The following NUP107 variants were observed in gnomAD, a reference collection of about 807,000 sequenced individuals.
The protein encoded by NUP107 is nuclear pore complex protein Nup107.
In NUP107, 101 loss-of-function variants were observed where a neutral mutation model predicts 141.0. That is an observed-to-expected ratio of 0.72 (90% CI 0.61 to 0.84). NUP107 has a LOEUF of 0.84. Among genes scored for constraint, NUP107 ranks in the 40% least tolerant of loss-of-function variants. The probability of loss-of-function intolerance (pLI) is 0.00; values close to 1 mark genes in which losing one functional copy is unlikely to be tolerated. For missense variants in NUP107, 941 were observed against 1,102.7 expected (o/e 0.85, Z 2.08); for synonymous variants, 319 against 363.9 (o/e 0.88, Z 1.41).
chr12:68,713,618 G>T, intron 10 of NUP107, 112 bp from the exon 11 acceptor site: 2 of 768,700 alleles, frequency 2.6e-6, no homozygotes, highest in African/African-American at 1.8e-5. Flanking sequence ...ATTTTTGCAT[G>T]TTTTTACTGG....
rs1368942217 is a variant in NUP107 at position 68,689,598 on chromosome 12, C to T, written c.166C>T (p.Pro56Ser). ...AAGAAACCAGGTTATCCCTCGAACTCCTAGCTCATTTCGACAGCCTTGTAA... is the reference window on the plus strand; with the variant it reads ...AAGAAACCAGGTTATCCCTCGAACTTCTAGCTCATTTCGACAGCCTTGTAA... ...TPRNQVIPRT[P>S]SSFRQPFTPT... is the part of the protein sequence containing the mutation. Residue 56 changes from proline (P) to serine (S), a missense_variant, in exon 3 of 28, where the codon CCT becomes TCT. By Grantham distance (74) the Pro-to-Ser change is moderately conservative. Transcript: ENST00000229179. 3.1e-6 allele frequency: 5 copies of T among 1,610,594 alleles called. No homozygotes were observed. Among genetic ancestry groups the T allele is most frequent in the Non-Finnish European group, 4.2e-6 (5 of 1,178,748 alleles).
chr12:68,721,624 ATGT>A (rs1168365863), intron 15 of NUP107, among the ~76,000 whole-genome samples: 1 of 152,204 alleles, frequency 6.6e-6, no homozygotes, highest in African/African-American at 2.4e-5. Flanking sequence ...TGGAAAACTG[ATGT>A]TGTTGTTAAC....
chr12:68,735,305 G>C lies in NUP107; in HGVS notation c.2463G>C (p.Leu821Phe). 6.2e-7 allele frequency: 1 copy of C among 1,614,032 alleles called. No homozygotes were observed. The change falls in exon 26 of 28, where the codon TTG (leucine) becomes TTC (phenylalanine). Residue 821 changes from leucine to phenylalanine, a missense_variant. Transcript: ENST00000229179. ...ADVKEKMYNV[L>F]LFVDGGWMVD... ...TGAAGGAGAAAATGTATAACGTCTT[G>C]TTGTTTGTTGATGGAGGGTGGATGG... is the stretch of plus-strand genomic sequence containing the variant.
At position 68,728,433 on chromosome 12, in the gene NUP107, T is replaced by C. The variant is rs186976571; in HGVS notation, c.1734+1044T>C. ...AGCGAAAACCTGTCTTTTTTTTTTT[T>C]TTTTTTTTGAGACGGAGTCTTGCGC... On this transcript the variant is annotated intron_variant, in intron 20 of 27. Coordinates refer to ENST00000229179, the MANE Select transcript of NUP107 (RefSeq NM_020401.4). 8.1e-3 allele frequency among the ~76,000 whole-genome samples: 1,195 copies of C among 148,120 alleles called. 15 individuals are homozygous for C. Among genetic ancestry groups the C allele is most frequent in the African/African-American group, 0.027 (1,112 of 40,514 alleles).
chr12:68,721,861 C>T lies in NUP107; in HGVS notation c.1332C>T (p.Thr444=). ...AAAAGCTGCTTCCTGTCTGTGACAC[C>T]TGGGAAGACACAGTTTGGGCCTACT... ...NLKQLLPVCD[T]WEDTVWAYFR... The change falls in exon 16 of 28, where the codon ACC becomes ACT. Residue 444 remains threonine, a synonymous_variant. Transcript: ENST00000229179. 6.2e-7 allele frequency: 1 copy of T among 1,613,442 alleles called. No homozygotes were observed. The highest frequency in any genetic ancestry group is 8.5e-7 in the Non-Finnish European group (1 of 1,179,794).
Position 68,721,958 on chromosome 12 carries a change from G to T in NUP107, c.1429G>T (p.Glu477Ter). 6.2e-6 allele frequency: 10 copies of T among 1,613,930 alleles called. No individual in the cohort carries two copies. The highest frequency in any genetic ancestry group is 8.5e-6 in the Non-Finnish European group (10 of 1,179,918). Residue 477 changes from glutamate (E) to a stop codon, truncating the protein, a stop_gained, in exon 16 of 28, where the codon GAA becomes TAA. Coordinates refer to ENST00000229179, the MANE Select transcript of NUP107 (RefSeq NM_020401.4). LOFTEE classifies it high-confidence loss of function. ...AGTAGCAACTCTGGATGAAACTGAA[G>T]AACTCCCTAGAGAATATCTGGGAGC... ...TSVATLDETEELPREYLGANW... is the reference protein window; with the variant it reads ...TSVATLDETE
In NUP107 at chr12:68,731,712, C is replaced by G. The variant is rs1040548313; in HGVS notation, c.1991C>G (p.Thr664Ser). The G allele has an allele frequency of 3.9e-6, 6 of 1,532,736 alleles. No homozygotes were observed. In the Admixed American group the frequency reaches 9.1e-5, roughly 23 times the overall value. The allele number at this position is 1,532,736 out of a possible 1,614,324, so 94.9% of individuals were successfully genotyped here. ...HDLAPALDTG[T>S]TEEDRLKIDV... The stretch of plus-strand genomic sequence containing the variant: ...CTGGCCCCAGCCCTAGATACTGGCA[C>G]TACTGAGGTAATTTGGGATGGGGGG... Residue 664 changes from threonine to serine, a missense_variant, in exon 22 of 28, where the codon ACT (threonine) becomes AGT (serine). Thr to Ser is a moderately conservative substitution (Grantham distance 58). Coordinates refer to ENST00000229179, the MANE Select transcript of NUP107 (RefSeq NM_020401.4).
chr12:68,732,590 A>C (rs763559933), intron 22 of NUP107, 47 bp from the exon 23 acceptor site: 1 of 1,224,468 alleles, frequency 8.2e-7, no homozygotes, highest in Admixed American at 2.2e-5. Context: ...ATCTTTAAAA[A>C]AAAAACTCTG....
At chr12:68,732,838 C>A in intron 23 of NUP107, 99 bp downstream of exon 23, 1 of 710,732 alleles carries the variant, frequency 1.4e-6, no homozygotes, top group Non-Finnish European at 2.2e-6. Context: ...CACCACCACA[C>A]CCACCTAATT....
At chr12:68,716,808 C>G (rs1409356281) in intron 12 of NUP107, among the ~76,000 whole-genome samples, 1 of 152,228 alleles carries the variant, frequency 6.6e-6, no homozygotes, top group East Asian at 1.9e-4. Flanking sequence ...GTACTTTTTG[C>G]AATGGTCTTT....
At chr12:68,687,749 C>T in intron 1 of NUP107, 1 of 619,602 alleles carries the variant, frequency 1.6e-6, no homozygotes, top group South Asian at 7.1e-5. Flanking sequence ...GTTCTAAAGG[C>T]GTTGAATATA....
At chr12:68,688,568 T>C (rs1361774094) in intron 1 of NUP107, among the ~76,000 whole-genome samples, 1 of 152,212 alleles carries the variant, frequency 6.6e-6, no homozygotes, top group Non-Finnish European at 1.5e-5. Context: ...TAAAGCATTT[T>C]GGAGACTGCA....
chr12:68,726,279 A>G (rs1877560795), intron 18 of NUP107, among the ~76,000 whole-genome samples: 1 of 152,174 alleles, frequency 6.6e-6, no homozygotes, highest in Non-Finnish European at 1.5e-5. Flanking sequence ...GCAACTATTT[A>G]CTTTATGTCA....
intron 20 of NUP107, among the ~76,000 whole-genome samples, chr12:68,729,851 C>T (rs1025238742): frequency 3.3e-5 from 5 of 150,568 alleles, no homozygotes; most frequent in African/African-American, 4.9e-5. Context: ...AGTGCAATGG[C>T]GCAATCTCAG....
At chr12:68,723,786 C>G (rs1877448592) in intron 17 of NUP107, among the ~76,000 whole-genome samples, 1 of 152,080 alleles carries the variant, frequency 6.6e-6, no homozygotes, top group South Asian at 2.1e-4. Context: ...ATTTTCTTGT[C>G]TATTCATAAG....
intron 17 of NUP107, among the ~76,000 whole-genome samples, chr12:68,725,451 A>G (rs925289484): frequency 1.3e-5 from 2 of 152,230 alleles, no homozygotes; most frequent in African/African-American, 2.4e-5. Flanking sequence ...AAATATAAGA[A>G]TAAAAGTTTA....
intron 6 of NUP107, among the ~76,000 whole-genome samples, chr12:68,699,819 A>G (rs1219276130): frequency 6.6e-6 from 1 of 152,100 alleles, no homozygotes; most frequent in African/African-American, 2.4e-5. Context: ...CTGATAAACA[A>G]TTGTGTGTAT....
chr12:68,692,088 C>A lies in NUP107; in HGVS notation c.424C>A (p.Arg142Ser). ...TGTAACTATCAGTGCTGTTATGTTA[C>A]GTGAGGATGATCCTGGAGAAGCTGG... ...EDVTISAVML[R>S]EDDPGEAASM... Residue 142 changes from arginine to serine, a missense_variant, in exon 5 of 28, where the codon CGT (arginine) becomes AGT (serine). Transcript: ENST00000229179. 1 of 1,599,420 alleles carries A rather than the reference C, an allele frequency of 6.3e-7. No individual in the cohort carries two copies. The highest frequency in any genetic ancestry group is 8.5e-7 in the Non-Finnish European group (1 of 1,175,762).
At position 68,700,633 on chromosome 12, in the gene NUP107, T is replaced by C. The variant is rs1202940475; in HGVS notation, c.553-93T>C. 3 of 775,670 alleles carry C rather than the reference T, an allele frequency of 3.9e-6. No individual in the cohort carries two copies. In the African/African-American group the frequency reaches 5.4e-5, roughly 14 times the overall value. The allele number at this position is 775,670 out of a possible 1,614,324, so 48.0% of individuals were successfully genotyped here. A position where few individuals can be genotyped will look rare whatever the true frequency, so the allele number is the denominator to read the frequency against. ...AATTTTATAATATATACTTATTAAA[T>C]ACAATTATTTTAGCACTCTATTCAA... On this transcript the variant is annotated intron_variant, in intron 6 of 27. Transcript: ENST00000229179.
Sources: allele counts gnomAD v4.1 joint callset (sites outside exome capture counted in the v4.1 genomes callset), GRCh38; gene constraint gnomAD v4.1.1; transcripts MANE v1.5; gene names NCBI Gene and HGNC (gene_info 2026-07-23, HGNC 2026-07-21).